The following DMD variants were observed in gnomAD, a reference collection of about 807,000 sequenced individuals.
DMD encodes the protein mutant dystrophin.
A neutral mutation model predicts 330.1 loss-of-function variants in DMD; 63 were observed. The ratio of observed to expected loss-of-function variants is 0.19; its 90% CI spans 0.16 to 0.24. The LOEUF is 0.24. Among genes scored for constraint, DMD ranks in the 10% least tolerant of loss-of-function variants. The pLI is 1.00. For missense variants in DMD, 3,344 were observed against 2,684.1 expected (o/e 1.25, Z -5.43); for synonymous variants, 1,223 against 959.8 (o/e 1.27, Z -5.07).
intron 55 of DMD, among the ~76,000 whole-genome samples, chrX:31,574,762 C>A: frequency 9.0e-6 from 1 of 111,197 alleles, no homozygotes; most frequent in East Asian, 2.8e-4. Context: ...CAGTCTTTAG[C>A]AAATTCCACA....
In DMD at chrX:32,441,351, G is replaced by T. The variant is rs749925809; in HGVS notation, c.3787-37C>A. ...ATATATATCACAGATTAAATATTAT[G>T]GTAGAAAAGTAAATGTGAAATTTTG... On this transcript the variant is annotated intron_variant, in intron 27 of 78. Coordinates refer to ENST00000357033, the MANE Select transcript of DMD (RefSeq NM_004006.3). 4 of 1,168,944 alleles carry T rather than the reference G, an allele frequency of 3.4e-6. No individual in the cohort carries two copies. The South Asian group carries it at 7.4e-5, about 22-fold the overall frequency.
chrX:32,575,368 GT>G (rs2052920429), intron 13 of DMD, among the ~76,000 whole-genome samples: 2 of 112,268 alleles, frequency 1.8e-5, no homozygotes, highest in Admixed American at 1.9e-4. Flanking sequence ...TGAGTTTTCA[GT>G]TTTTCTTCAT....
intron 34 of DMD, among the ~76,000 whole-genome samples, chrX:32,377,548 A>C (rs905846849): frequency 1.8e-5 from 2 of 111,951 alleles, no homozygotes; most frequent in South Asian, 3.7e-4. Flanking sequence ...TGACATACAC[A>C]TGAATATGAA....
intron 60 of DMD, among the ~76,000 whole-genome samples, chrX:31,391,187 A>G (rs1010290813): frequency 5.4e-5 from 6 of 110,471 alleles, no homozygotes; most frequent in African/African-American, 2.0e-4. Context: ...GTCTTGCCCT[A>G]TCACCCAGGC....
intron 4 of DMD, among the ~76,000 whole-genome samples, chrX:32,837,321 A>G (rs1031112353): frequency 2.7e-5 from 3 of 111,821 alleles, no homozygotes; most frequent in African/African-American, 9.8e-5. Flanking sequence ...AGACTAAACT[A>G]AGGAGCGGCA....
intron 29 of DMD, among the ~76,000 whole-genome samples, chrX:32,427,261 GT>G (rs1160351335): frequency 1.8e-5 from 2 of 111,310 alleles, no homozygotes; most frequent in Non-Finnish European, 3.8e-5. Context: ...ACGGTGTTGG[GT>G]AGCTTTGATA....
At chrX:32,459,447 C>T (rs1384430201) in intron 25 of DMD, among the ~76,000 whole-genome samples, 2 of 111,051 alleles carry the variant, frequency 1.8e-5, no homozygotes, top group Admixed American at 1.9e-4. Context: ...TCTCAATAGG[C>T]AAGAAACAGT....
chrX:31,458,009 TAAA>T (rs1218660589), intron 59 of DMD, among the ~76,000 whole-genome samples: 1 of 111,901 alleles, frequency 8.9e-6, no homozygotes, highest in Non-Finnish European at 1.9e-5. Flanking sequence ...TTAGCCTTTC[TAAA>T]ATGGTCTTAT....
At chrX:32,899,733 A>T (rs1177028842) in intron 2 of DMD, among the ~76,000 whole-genome samples, 3 of 111,318 alleles carry the variant, frequency 2.7e-5, no homozygotes, top group Non-Finnish European at 3.8e-5. Context: ...TTTGTACTTA[A>T]TTCTAATGCA....
intron 4 of DMD, among the ~76,000 whole-genome samples, chrX:32,824,773 A>G (rs1047208431): frequency 8.9e-6 from 1 of 112,188 alleles, no homozygotes; most frequent in African/African-American, 3.2e-5. Context: ...CATAAATATG[A>G]GTAAAGCTGG....
At chrX:33,093,870 A>C (rs1409413185) in intron 1 of DMD, among the ~76,000 whole-genome samples, 4 of 111,551 alleles carry the variant, frequency 3.6e-5, no homozygotes, top group Non-Finnish European at 7.5e-5. Context: ...TAAAGGAATT[A>C]ATATTTTAAT....
intron 60 of DMD, among the ~76,000 whole-genome samples, chrX:31,353,498 A>G (rs779500119): frequency 8.0e-5 from 9 of 112,059 alleles, no homozygotes; most frequent in Non-Finnish European, 1.3e-4. Flanking sequence ...GAAGGTACAT[A>G]TGAGAAGGTA....
intron 54 of DMD, among the ~76,000 whole-genome samples, chrX:31,635,122 G>A (rs1029785755): frequency 9.0e-6 from 1 of 111,182 alleles, no homozygotes; most frequent in Non-Finnish European, 1.9e-5. Flanking sequence ...CAACTGTAAG[G>A]GATCTTTAGA....
intron 43 of DMD, among the ~76,000 whole-genome samples, chrX:32,217,403 G>A (rs188565220): frequency 9.0e-6 from 1 of 110,851 alleles, no homozygotes; most frequent in East Asian, 2.8e-4. Flanking sequence ...TTTAATTCTA[G>A]AAATTTACAA....
At chrX:32,814,448 A>C (rs2077577043) in intron 6 of DMD, among the ~76,000 whole-genome samples, 1 of 112,406 alleles carries the variant, frequency 8.9e-6, no homozygotes, top group African/African-American at 3.2e-5. Context: ...GCACCTCATG[A>C]CATTCCTAAT....
At chrX:31,165,427 AC>A (rs1172200174) in intron 74 of DMD, among the ~76,000 whole-genome samples, 1 of 112,029 alleles carries the variant, frequency 8.9e-6, no homozygotes, top group Non-Finnish European at 1.9e-5. Context: ...ATATTTAGCC[AC>A]CTTGTTGACT....
At chrX:32,911,493 A>C (rs1207855899) in intron 2 of DMD, among the ~76,000 whole-genome samples, 1 of 112,395 alleles carries the variant, frequency 8.9e-6, no homozygotes, top group Non-Finnish European at 1.9e-5. Context: ...TACTTACACT[A>C]AATCAAAGTA....
intron 29 of DMD, among the ~76,000 whole-genome samples, chrX:32,423,397 G>C (rs1443347330): frequency 9.1e-6 from 1 of 109,394 alleles, no homozygotes; most frequent in East Asian, 2.9e-4. Context: ...AATTTGTCTA[G>C]AGTGAATATT....
chrX:32,391,297 T>G (rs1392935235), intron 30 of DMD, among the ~76,000 whole-genome samples: 1 of 111,328 alleles, frequency 9.0e-6, no homozygotes, highest in Non-Finnish European at 1.9e-5. Context: ...TTAGTGTAAG[T>G]GAATTTACAC....
Sources: gnomAD v4.1 joint callset for allele counts (sites outside exome capture counted in the v4.1 genomes callset) on GRCh38, gnomAD v4.1.1 for gene constraint, MANE v1.5 for transcripts, NCBI Gene and HGNC (gene_info 2026-07-23, HGNC 2026-07-21) for gene names.